The following PML variants were observed in gnomAD, a reference collection of about 807,000 sequenced individuals.
PML encodes the protein protein PML.
Under a neutral mutation model 65.2 loss-of-function variants are expected in PML, and 28 were observed. The ratio of observed to expected loss-of-function variants is 0.43; its 90% CI spans 0.32 to 0.59. PML has a LOEUF of 0.59. PML is among the 20% of genes least tolerant of loss of function. The pLI is 0.08. For missense variants in PML, 1,021 were observed against 1,203.4 expected (o/e 0.85, Z 2.24); for synonymous variants, 500 against 508.8 (o/e 0.98, Z 0.23).
chr15:74,034,568 C>T (rs1179824270), intron 7 of PML, 38 bp downstream of exon 7: 1 of 1,614,134 alleles, frequency 6.2e-7, no homozygotes, highest in Non-Finnish European at 8.5e-7. Context: ...ACTCCTGCCT[C>T]CCCCCATTTC....
rs763866098 is a variant in PML at position 74,037,042 on chromosome 15, G to A, written c.1710+2512G>A. On this transcript the variant is annotated intron_variant, in intron 7 of 8. Coordinates refer to ENST00000268058, the MANE Select transcript of PML (RefSeq NM_033238.3). The surrounding 1 kb of genome is among the most constrained non-coding windows in gnomAD (Gnocchi z 4.2). ...TCCTGGAAGGACTCAGGAGCTTGTC[G>A]CCTCTGTGCTGCCACCTGGAGACCG... 1.4e-5 allele frequency: 14 copies of A among 985,300 alleles called. No homozygotes were observed. In the South Asian group the frequency reaches 2.3e-4, roughly 17 times the overall value. The allele number at this position is 985,300 out of a possible 1,614,324, so 61.0% of individuals were successfully genotyped here.
At position 74,044,497 on chromosome 15, in the gene PML, TC is replaced by T. The variant is rs2071749049; in HGVS notation, c.2139del (p.Ile714SerfsTer25). ...TCGGGCTTCCTGGCTGCCCTGCCTC[TC>T]ATCCGGGAGCGTGTGCCCGGGGCCA... ...AISGFLAALP[L>X]IRERVPGASS... On this transcript the variant is annotated frameshift_variant, in exon 9 of 9. Coordinates refer to ENST00000268058, the MANE Select transcript of PML (RefSeq NM_033238.3). LOFTEE classifies it low-confidence loss of function (END_TRUNC). 6.2e-7 allele frequency: 1 copy of T among 1,613,988 alleles called. No homozygotes were observed. Among genetic ancestry groups the T allele is most frequent in the African/African-American group, 1.3e-5 (1 of 74,926 alleles).
At chr15:74,000,176 G>A (rs56194867) in intron 2 of PML, among the ~76,000 whole-genome samples, 93,999 of 152,074 alleles carry the variant, frequency 0.62, 29,172 homozygotes, top group Non-Finnish European at 0.65. Context: ...TGTTTTGAAC[G>A]TGATAATGCA....
chr15:74,000,371 T>C (rs2069706945), intron 2 of PML, among the ~76,000 whole-genome samples: 2 of 152,180 alleles, frequency 1.3e-5, no homozygotes, highest in South Asian at 4.1e-4. Flanking sequence ...AGTGCTGCAC[T>C]CGTGGCTCAC....
intron 2 of PML, among the ~76,000 whole-genome samples, chr15:74,010,224 G>T (rs1316591505): frequency 4.3e-5 from 4 of 93,098 alleles, no homozygotes; most frequent in African/African-American, 1.4e-4. Context: ...GTAGAGATGG[G>T]CTTTCATTAT....
At chr15:74,010,185 A>ATTTTT (rs536738558) in intron 2 of PML, among the ~76,000 whole-genome samples, 915 of 77,882 alleles carry the variant, frequency 0.012, 56 homozygotes, top group African/African-American at 0.021. Context: ...TGCCCAGCTA[A>ATTTTT]TTTTTTTTTT....
chr15:74,042,268 C>A lies in PML; in HGVS notation c.1711-721C>A. 1 of 688,530 alleles carries A rather than the reference C, an allele frequency of 1.5e-6. No individual in the cohort carries two copies. Among genetic ancestry groups the A allele is most frequent in the Non-Finnish European group, 1.8e-6 (1 of 558,574 alleles). 42.7% of individuals were successfully genotyped at this position (688,530 alleles called of 1,614,324 possible). Reference sequence around the variant, plus strand: ...CTCAGGTTTCTCTAAGCTGCTGGGGCAGATGCCAAGAGCCTCCACTGCTCT... The same window carrying A: ...CTCAGGTTTCTCTAAGCTGCTGGGGAAGATGCCAAGAGCCTCCACTGCTCT... On this transcript the variant is annotated intron_variant, in intron 7 of 8. Transcript: ENST00000268058. The surrounding 1 kb of genome is among the most constrained non-coding windows in gnomAD (Gnocchi z 5.3).
rs746515572 is a variant in PML at position 74,034,486 on chromosome 15, G to A, written c.1666G>A (p.Val556Ile). ...ASGAGEAEER[V>I]VVISSSEDSD... The stretch of plus-strand genomic sequence containing the variant: ...CCCCTTCCCCGTTTCAGAGGAACGC[G>A]TTGTGGTGATCAGCAGCTCGGAAGA... Residue 556 changes from valine (V) to isoleucine (I), a missense_variant, in exon 7 of 9, where the codon GTT becomes ATT. Transcript: ENST00000268058. 1.7e-5 allele frequency: 28 copies of A among 1,614,058 alleles called. No individual in the cohort carries two copies. The highest frequency in any genetic ancestry group is 4.5e-5 in the East Asian group (2 of 44,902).
Position 74,023,218 on chromosome 15 carries a change from G to A in PML, c.993G>A (p.Ala331=). ...AVLQRIRTGS[A]LVQRMKCYAS... Reference sequence around the variant, plus strand: ...TGCAGCGCATCCGCACGGGCAGCGCGCTGGTGCAGAGGATGAAGTGCTACG... The same window carrying A: ...TGCAGCGCATCCGCACGGGCAGCGCACTGGTGCAGAGGATGAAGTGCTACG... The change falls in exon 3 of 9, where the codon GCG becomes GCA. Residue 331 remains alanine (A), a synonymous_variant. Coordinates refer to ENST00000268058, the MANE Select transcript of PML (RefSeq NM_033238.3). The A allele has an allele frequency of 6.2e-7, 1 of 1,610,160 alleles. No homozygotes were observed. The highest frequency in any genetic ancestry group is 8.5e-7 in the Non-Finnish European group (1 of 1,179,000).
intron 4 of PML, chr15:74,031,392 G>A: frequency 3.2e-6 from 1 of 313,938 alleles, no homozygotes; most frequent in Non-Finnish European, 6.3e-6. Context: ...TCATGCCTCA[G>A]CCTCCCAAGT....
intron 2 of PML, among the ~76,000 whole-genome samples, chr15:74,003,868 G>A (rs1210361506): frequency 2.6e-5 from 4 of 152,128 alleles, no homozygotes; most frequent in Non-Finnish European, 5.9e-5. Context: ...TTATTCCAGA[G>A]TTTACTTTCT....
Position 74,045,887 on chromosome 15 carries a change from A to C in PML, c.*879A>C, listed in dbSNP as rs2071765713. ...TCTACCACAGGCCTCTGGAATCAGA[A>C]TCTTCAGGGTGGGGCCCAGCAGTCT... On this transcript the variant is annotated 3_prime_UTR_variant, in exon 9 of 9. Transcript: ENST00000268058. 1 of 231,876 alleles carries C rather than the reference A, an allele frequency of 4.3e-6. No individual in the cohort carries two copies. Among genetic ancestry groups the C allele is most frequent in the Admixed American group, 5.6e-5 (1 of 17,738 alleles). The allele number at this position is 231,876 out of a possible 1,614,324, so 14.4% of individuals were successfully genotyped here. A position where few individuals can be genotyped will look rare whatever the true frequency, so the allele number is the denominator to read the frequency against.
chr15:74,022,806 G>A (rs1277675104), intron 2 of PML, 22 bp from the exon 3 acceptor site: 1 of 1,609,610 alleles, frequency 6.2e-7, no homozygotes, highest in Non-Finnish European at 8.5e-7. Context: ...TCCTAACCCA[G>A]GCCAACCTTG....
intron 2 of PML, among the ~76,000 whole-genome samples, chr15:74,011,398 T>A (rs1201106170): frequency 6.6e-6 from 1 of 152,172 alleles, no homozygotes; most frequent in African/African-American, 2.4e-5. Flanking sequence ...TCCAGTTTCA[T>A]ATTGGTACAA....
intron 3 of PML, among the ~76,000 whole-genome samples, chr15:74,023,693 A>G (rs1387868805): frequency 6.6e-6 from 1 of 152,176 alleles, no homozygotes; most frequent in Non-Finnish European, 1.5e-5. Flanking sequence ...AAAAACTGCA[A>G]AGCTGAGAAT....
chr15:74,032,183 C>A (rs1183512231), intron 4 of PML, among the ~76,000 whole-genome samples: 1 of 152,026 alleles, frequency 6.6e-6, no homozygotes, highest in Non-Finnish European at 1.5e-5. Context: ...ATCTTCCAGC[C>A]CTGTTAGGAC....
chr15:74,042,821 C>A lies in PML; in HGVS notation c.1711-168C>A. On this transcript the variant is annotated intron_variant, in intron 7 of 8. Transcript: ENST00000268058. The surrounding 1 kb of genome is among the most constrained non-coding windows in gnomAD (Gnocchi z 5.3). ...TCACATGTGACACACCCAGTTCACA[C>A]CCATTCATGCACACATACCTTCTCT... The A allele has an allele frequency of 8.1e-6, 8 of 985,346 alleles. No homozygotes were observed. Among genetic ancestry groups the A allele is most frequent in the Non-Finnish European group, 9.6e-6 (8 of 829,914 alleles). 61.0% of individuals were successfully genotyped at this position (985,346 alleles called of 1,614,324 possible).
At chr15:74,014,616 G>T (rs1283930079) in intron 2 of PML, among the ~76,000 whole-genome samples, 1 of 151,886 alleles carries the variant, frequency 6.6e-6, no homozygotes, top group Non-Finnish European at 1.5e-5. Flanking sequence ...ACAAAAATTA[G>T]CTGGGCGTGG....
At chr15:74,012,596 C>T (rs1304111114) in intron 2 of PML, among the ~76,000 whole-genome samples, 1 of 152,240 alleles carries the variant, frequency 6.6e-6, no homozygotes, top group Non-Finnish European at 1.5e-5. Context: ...AGGCAGAAGC[C>T]ACCATGCCCA....
Sources: allele counts gnomAD v4.1 joint callset (sites outside exome capture counted in the v4.1 genomes callset), GRCh38; gene constraint gnomAD v4.1.1; non-coding constraint Gnocchi (gnomAD v3.1); transcripts MANE v1.5; gene names NCBI Gene and HGNC (gene_info 2026-07-23, HGNC 2026-07-21).